Variants in SUPT6H observed in about 807,000 individuals in gnomAD.
SUPT6H encodes SPT6 homolog, histone chaperone and transcription elongation factor, also known as transcription elongation factor SPT6.
SUPT6H carries 11 observed loss-of-function variants against 222.3 expected under a neutral mutation model. That is an observed-to-expected ratio of 0.05 (90% CI 0.03 to 0.08). The LOEUF (loss-of-function observed/expected upper bound fraction) is 0.08. SUPT6H is among the 10% of genes least tolerant of loss of function. SUPT6H has a pLI of 1.00. For synonymous variants in SUPT6H, 762 were observed against 801.2 expected, an observed-to-expected ratio of 0.95 and a Z score of 0.83; for missense variants, 1,422 against 2,216.0, an observed-to-expected ratio of 0.64 and a Z score of 7.19.
In SUPT6H at chr17:28,687,333, C is replaced by T. The variant is rs368412643; in HGVS notation, c.2868C>T (p.Asn956=). 7.4e-6 allele frequency: 12 copies of T among 1,614,046 alleles called. No homozygotes were observed. The highest frequency in any genetic ancestry group is 2.2e-5 in the East Asian group (1 of 44,898). The change falls in exon 23 of 37, where the codon AAC becomes AAT. Residue 956 remains asparagine, a synonymous_variant. Coordinates refer to ENST00000314616, the MANE Select transcript of SUPT6H (RefSeq NM_003170.5). ...QEHVVKEELL[N]ALYCEFINRV... ...ATGTGGTGAAAGAGGAGCTGCTCAA[C>T]GCCTTGTACTGTGAATTTATCAACC...
chr17:28,686,587 C>G (rs374729329), intron 20 of SUPT6H, 67 bp from the exon 21 acceptor site: 17 of 1,548,420 alleles, frequency 1.1e-5, no homozygotes, highest in Admixed American at 8.0e-5. Flanking sequence ...CTCTTCACCC[C>G]CAAGGCAGTC....
chr17:28,682,579 C>A, intron 13 of SUPT6H, 148 bp from the exon 14 acceptor site: 1 of 1,146,746 alleles, frequency 8.7e-7, no homozygotes, highest in Non-Finnish European at 1.2e-6. Context: ...CATGATCACA[C>A]CACTGCACTT....
intron 1 of SUPT6H, among the ~76,000 whole-genome samples, chr17:28,672,045 G>A (rs1324589210): frequency 6.6e-6 from 1 of 152,158 alleles, no homozygotes; most frequent in African/African-American, 2.4e-5. Flanking sequence ...GATAAAACTA[G>A]GCCCTTTTTG....
chr17:28,698,611 G>A (rs1280605782), intron 32 of SUPT6H, among the ~76,000 whole-genome samples: 1 of 152,234 alleles, frequency 6.6e-6, no homozygotes, highest in Admixed American at 6.5e-5. Context: ...TTAGACTGGC[G>A]TCTTTGTGTC....
chr17:28,679,078 A>G, intron 11 of SUPT6H, 115 bp downstream of exon 11: 1 of 1,369,582 alleles, frequency 7.3e-7, no homozygotes, highest in Non-Finnish European at 9.9e-7. Context: ...TCCCTTAGAA[A>G]TCCAACTTGT....
intron 1 of SUPT6H, chr17:28,671,193 T>A (rs998827222): frequency 6.6e-6 from 1 of 152,182 alleles, no homozygotes; most frequent in Non-Finnish European, 1.5e-5. Flanking sequence ...CCCCTCCCAC[T>A]GCCATCTTTA....
chr17:28,692,622 C>T (rs866679376), intron 27 of SUPT6H, among the ~76,000 whole-genome samples: 1 of 147,888 alleles, frequency 6.8e-6, no homozygotes, highest in South Asian at 2.2e-4. Context: ...CCAGCACTTT[C>T]AGGGGCCGAG....
At chr17:28,695,257 C>T (rs1428780170) in intron 28 of SUPT6H, 95 bp from the exon 29 acceptor site, 1 of 1,332,370 alleles carries the variant, frequency 7.5e-7, no homozygotes, top group Non-Finnish European at 1.0e-6. Flanking sequence ...ACACCTTACA[C>T]CTTTCTGCCT....
chr17:28,681,225 T>C (rs1264615091), intron 11 of SUPT6H, 31 bp from the exon 12 acceptor site: 1 of 1,612,428 alleles, frequency 6.2e-7, no homozygotes, highest in Non-Finnish European at 8.5e-7. Flanking sequence ...TCTGCAGTGA[T>C]GACTGAAACC....
At position 28,690,846 on chromosome 17, in the gene SUPT6H, C is replaced by G. The variant is rs1597713248; in HGVS notation, c.3491-75C>G. ...ATGGGAAGGAAGTCAGATATTCTGT[C>G]ACTGAAAGGCTGGTGGAAAGAAGTG... On this transcript the variant is annotated intron_variant, in intron 26 of 36. Coordinates refer to ENST00000314616, the MANE Select transcript of SUPT6H (RefSeq NM_003170.5). 4.6e-6 allele frequency: 7 copies of G among 1,510,336 alleles called. No individual in the cohort carries two copies. The African/African-American group carries it at 9.7e-5, about 21-fold the overall frequency. 93.6% of individuals were successfully genotyped at this position (1,510,336 alleles called of 1,614,324 possible). A position where few individuals can be genotyped will look rare whatever the true frequency, so the allele number is the denominator to read the frequency against.
chr17:28,667,439 A>ATATATATATATATATG (rs1454850560), intron 1 of SUPT6H, among the ~76,000 whole-genome samples: 1 of 119,434 alleles, frequency 8.4e-6, no homozygotes, highest in African/African-American at 3.1e-5. Context: ...ATATATATGT[A>ATATATATATATATATG]TGTGTGTGTG....
intron 1 of SUPT6H, among the ~76,000 whole-genome samples, chr17:28,662,824 C>T (rs2072083212): frequency 1.3e-5 from 2 of 152,314 alleles, no homozygotes; most frequent in Admixed American, 6.5e-5. Context: ...TAGATGGTTG[C>T]ATCCTTCATC....
At position 28,701,594 on chromosome 17, in the gene SUPT6H, C is replaced by A. The variant is rs1412634296; in HGVS notation, c.5150C>A (p.Ala1717Asp). ...ESTPMSIAGDATPLLDEMDR is the reference protein window; with the variant it reads ...ESTPMSIAGDDTPLLDEMDR ...ACCCCCATGTCCATTGCTGGCGATG[C>A]CACCCCACTCCTGGACGAGATGGAT... Residue 1717 changes from alanine (A) to aspartate (D), a missense_variant, in exon 37 of 37, where the codon GCC becomes GAC. By Grantham distance (126) the Ala-to-Asp change is moderately radical. This residue lies in a region of SUPT6H where 395 missense variants were observed against 580.6 expected (regional missense o/e 0.68). Coordinates refer to ENST00000314616, the MANE Select transcript of SUPT6H (RefSeq NM_003170.5). The A allele has an allele frequency of 6.2e-7, 1 of 1,612,982 alleles. No homozygotes were observed. The highest frequency in any genetic ancestry group is 8.5e-7 in the Non-Finnish European group (1 of 1,179,332).
rs1445865438 is a variant in SUPT6H at position 28,673,508 on chromosome 17, A to T, written c.107A>T (p.Asp36Val). The change falls in exon 2 of 37, where the codon GAT (aspartate) becomes GTT (valine). Residue 36 changes from aspartate (D) to valine (V), a missense_variant and splice_region_variant. Asp to Val is a radical substitution (Grantham distance 152). Coordinates refer to ENST00000314616, the MANE Select transcript of SUPT6H (RefSeq NM_003170.5). Reference sequence around the variant, plus strand: ...AAGAAATTTGTGGAAGAGGAGGATGATGGTGAGGAGGCCCCAGCCTCAAGC... The same window carrying T: ...AAGAAATTTGTGGAAGAGGAGGATGTTGGTGAGGAGGCCCCAGCCTCAAGC... ...VTKKFVEEED[D>V]DEEEEEENLD... 6.2e-7 allele frequency: 1 copy of T among 1,609,620 alleles called. No individual in the cohort carries two copies. The highest frequency in any genetic ancestry group is 8.5e-7 in the Non-Finnish European group (1 of 1,176,932).
chr17:28,692,783 C>CCT (rs2031727544), intron 27 of SUPT6H, among the ~76,000 whole-genome samples: 2 of 147,410 alleles, frequency 1.4e-5, no homozygotes, highest in Admixed American at 6.8e-5. Flanking sequence ...AGGTGGATCA[C>CCT]GAGGTCAGGA....
At chr17:28,690,320 G>A in intron 26 of SUPT6H, 91 bp downstream of exon 26, 1 of 1,507,990 alleles carries the variant, frequency 6.6e-7, no homozygotes, top group Non-Finnish European at 9.0e-7. Flanking sequence ...GATTGAGGCA[G>A]GTTTGTGTTG....
Position 28,678,736 on chromosome 17 carries a change from C to G in SUPT6H, c.1207-85C>G, listed in dbSNP as rs1597697624. On this transcript the variant is annotated intron_variant, in intron 10 of 36. Coordinates refer to ENST00000314616, the MANE Select transcript of SUPT6H (RefSeq NM_003170.5). The stretch of plus-strand genomic sequence containing the variant: ...CCCCCCAGGCCTGTCTAGTCCTCCC[C>G]CACTAGGTTTCTGGTAAGGATCAGA... The G allele has an allele frequency of 7.4e-6, 12 of 1,611,014 alleles. No individual in the cohort carries two copies. In the East Asian group the frequency reaches 1.8e-4, roughly 24 times the overall value.
intron 1 of SUPT6H, among the ~76,000 whole-genome samples, chr17:28,662,895 A>G (rs141283693): frequency 6.6e-6 from 1 of 152,170 alleles, no homozygotes; most frequent in African/African-American, 2.4e-5. Context: ...CTATAGATTC[A>G]TTTCCTCAAA....
Position 28,681,386 on chromosome 17 carries a change from G to A in SUPT6H, c.1480G>A (p.Glu494Lys). ...CCGCAAGAAGCTGAAGCGTGTCAGG[G>A]AAGAGGGAGATGAAGAAGGTTAGTG... ...ASRKKLKRVREEGDEEGEGDE... is the reference protein window; with the variant it reads ...ASRKKLKRVRKEGDEEGEGDE... Residue 494 changes from glutamate to lysine, a missense_variant, in exon 12 of 37, where the codon GAA becomes AAA. Physicochemically the swap from Glu to Lys is moderately conservative, Grantham distance 56. This residue lies in a region of SUPT6H where 389 missense variants were observed against 544.6 expected (regional missense o/e 0.71). Coordinates refer to ENST00000314616, the MANE Select transcript of SUPT6H (RefSeq NM_003170.5). 1.2e-6 allele frequency: 2 copies of A among 1,604,258 alleles called. No individual in the cohort carries two copies. The highest frequency in any genetic ancestry group is 8.5e-7 in the Non-Finnish European group (1 of 1,176,260).
Sources: gnomAD v4.1 joint callset for allele counts (sites outside exome capture counted in the v4.1 genomes callset) on GRCh38, gnomAD v4.1.1 for gene constraint, gnomAD v4.1.1 regional missense constraint, MANE v1.5 for transcripts, NCBI Gene and HGNC (gene_info 2026-07-23, HGNC 2026-07-21) for gene names.